DNM1L: variants seen among roughly 807,000 people sequenced by gnomAD.
DNM1L encodes dynamin-1-like protein.
A neutral mutation model predicts 92.8 loss-of-function variants in DNM1L; 33 were observed. The ratio of observed to expected loss-of-function variants is 0.36; its 90% CI spans 0.27 to 0.48. The LOEUF (loss-of-function observed/expected upper bound fraction) is 0.48, where lower values mean the gene tolerates loss of function less well. Ranked by LOEUF, DNM1L falls within the 20% of genes least tolerant of loss-of-function variation. The probability of loss-of-function intolerance (pLI) is 0.99; values close to 1 mark genes in which losing one functional copy is unlikely to be tolerated. For synonymous variants in DNM1L, 284 were observed against 305.0 expected (o/e 0.93, Z 0.72); for missense variants, 485 against 888.8 (o/e 0.55, Z 5.78).
intron 9 of DNM1L, among the ~76,000 whole-genome samples, chr12:32,726,195 AC>A (rs1367323883): frequency 6.6e-6 from 1 of 152,208 alleles, no homozygotes; most frequent in Non-Finnish European, 1.5e-5. Flanking sequence ...CATTCAACAT[AC>A]CTGGCAGAAA....
chr12:32,732,978 C>T (rs1451759597), intron 12 of DNM1L, among the ~76,000 whole-genome samples: 11 of 152,142 alleles, frequency 7.2e-5, no homozygotes, highest in African/African-American at 2.7e-4. Flanking sequence ...TGCCTGTAAT[C>T]CCAGCTACTG....
chr12:32,743,592 T>TAATA lies in DNM1L; in HGVS notation c.*186_*189dup, dbSNP rs1955465763. 3 of 600,610 alleles carry TAATA rather than the reference T, an allele frequency of 5.0e-6. No homozygotes were observed. Among genetic ancestry groups the TAATA allele is most frequent in the Non-Finnish European group, 5.9e-6 (2 of 340,132 alleles). 37.2% of individuals were successfully genotyped at this position (600,610 alleles called of 1,614,324 possible). The stretch of plus-strand genomic sequence containing the variant: ...GAACACATCACACATTTAATCCAAA[T>TAATA]AATAAATGGCTGTTTCTAAAGTTTC... On this transcript the variant is annotated 3_prime_UTR_variant, in exon 20 of 20. Transcript: ENST00000549701.
At position 32,744,986 on chromosome 12, in the gene DNM1L, T is replaced by C. The variant is rs754953487; in HGVS notation, c.*1576T>C. On this transcript the variant is annotated 3_prime_UTR_variant, in exon 20 of 20. Coordinates refer to ENST00000549701, the MANE Select transcript of DNM1L (RefSeq NM_012062.5). ...TTATGACCAGGTATTTATGAAGGAC[T>C]ATTGGCAGGGAAAATATGAATATGT... is the stretch of plus-strand genomic sequence containing the variant. The C allele has an allele frequency of 1.4e-5, 7 of 518,470 alleles. No individual in the cohort carries two copies. Among genetic ancestry groups the C allele is most frequent in the South Asian group, 8.4e-5 (6 of 71,360 alleles). The allele number at this position is 518,470 out of a possible 1,614,324, so 32.1% of individuals were successfully genotyped here.
Position 32,679,340 on chromosome 12 carries a change from C to T in DNM1L, c.-24C>T, listed in dbSNP as rs372402179. On this transcript the variant is annotated 5_prime_UTR_variant, in exon 1 of 20. Coordinates refer to ENST00000549701, the MANE Select transcript of DNM1L (RefSeq NM_012062.5). The stretch of plus-strand genomic sequence containing the variant: ...CATTCATTGCCGTGGCCGGCGGGCA[C>T]TGGGGCCCCGTGTTTTCAGAGTCAT... 2.8e-5 allele frequency: 44 copies of T among 1,581,156 alleles called. No individual in the cohort carries two copies. Among genetic ancestry groups the T allele is most frequent in the Non-Finnish European group, 3.6e-5 (41 of 1,152,426 alleles).
intron 1 of DNM1L, among the ~76,000 whole-genome samples, chr12:32,691,595 C>T (rs1952237310): frequency 6.6e-6 from 1 of 152,152 alleles, no homozygotes; most frequent in Admixed American, 6.5e-5. Context: ...CAAATATAGT[C>T]ACATTCCGAG....
chr12:32,743,228 ATT>A lies in DNM1L; in HGVS notation c.2155-125_2155-124del, dbSNP rs3834753. ...ATTAGATTCTAATTCCAGAGAAGATATTGGTTAGTATAAACTGGTTAGTTATA... is the reference window on the plus strand; with the variant it reads ...ATTAGATTCTAATTCCAGAGAAGATAGGTTAGTATAAACTGGTTAGTTATA... On this transcript the variant is annotated intron_variant, in intron 19 of 19. Coordinates refer to ENST00000549701, the MANE Select transcript of DNM1L (RefSeq NM_012062.5). The A allele has an allele frequency of 0.14, 109,673 of 807,168 alleles. 7,895 individuals carry two copies. Among genetic ancestry groups the A allele is most frequent in the African/African-American group, 0.2 (11,924 of 58,294 alleles). 50.0% of individuals were successfully genotyped at this position (807,168 alleles called of 1,614,324 possible).
At chr12:32,723,133 C>A (rs1324719248) in intron 9 of DNM1L, among the ~76,000 whole-genome samples, 4 of 151,196 alleles carry the variant, frequency 2.6e-5, no homozygotes, top group African/African-American at 9.7e-5. Flanking sequence ...TATTGAAATT[C>A]CATCCTTTTT....
At chr12:32,695,059 T>C (rs1196565580) in intron 1 of DNM1L, among the ~76,000 whole-genome samples, 7 of 152,060 alleles carry the variant, frequency 4.6e-5, no homozygotes, top group East Asian at 1.9e-4. Flanking sequence ...GAGGATACAA[T>C]TGAGTATCCT....
intron 1 of DNM1L, among the ~76,000 whole-genome samples, chr12:32,693,217 T>C (rs1369052341): frequency 6.6e-6 from 1 of 152,250 alleles, no homozygotes; most frequent in African/African-American, 2.4e-5. Flanking sequence ...TTGTGGTTTC[T>C]ATTGCATCCT....
At chr12:32,725,629 T>C (rs12303426) in intron 9 of DNM1L, 53,714 of 152,000 alleles carry the variant, frequency 0.35, 10,961 homozygotes, top group African/African-American at 0.56. Context: ...TTCTTTCAGA[T>C]GAGTCTTGCT....
chr12:32,732,131 T>C (rs935677640), intron 12 of DNM1L, among the ~76,000 whole-genome samples, 188 bp downstream of exon 12: 5 of 152,250 alleles, frequency 3.3e-5, no homozygotes, highest in African/African-American at 7.2e-5. Flanking sequence ...AATTCTGGTA[T>C]AAAGTGCATT....
intron 2 of DNM1L, among the ~76,000 whole-genome samples, chr12:32,704,675 A>G (rs1331417753): frequency 6.6e-6 from 1 of 152,190 alleles, no homozygotes; most frequent in Non-Finnish European, 1.5e-5. Flanking sequence ...TTGCCCCCCA[A>G]AAAGCAGTAA....
chr12:32,690,429 G>C (rs1171344344), intron 1 of DNM1L, among the ~76,000 whole-genome samples: 6 of 152,196 alleles, frequency 3.9e-5, no homozygotes, highest in Non-Finnish European at 8.8e-5. Flanking sequence ...TTAATATCTA[G>C]TTAGCCACAG....
intron 1 of DNM1L, among the ~76,000 whole-genome samples, chr12:32,680,359 A>G (rs1328100767): frequency 6.6e-6 from 1 of 152,174 alleles, no homozygotes; most frequent in Admixed American, 6.5e-5. Flanking sequence ...AAGTGCTTTC[A>G]TTTCTTAATA....
chr12:32,727,637 G>A (rs1954240482), intron 9 of DNM1L: 1 of 313,836 alleles, frequency 3.2e-6, no homozygotes, highest in Non-Finnish European at 5.8e-6. Context: ...TATACTACAT[G>A]TCTTTAAAAA....
chr12:32,715,559 C>T (rs755635773), intron 6 of DNM1L, among the ~76,000 whole-genome samples: 3 of 151,754 alleles, frequency 2.0e-5, no homozygotes, highest in Non-Finnish European at 2.9e-5. Flanking sequence ...ATGGTGAAAC[C>T]CCATCTCTCT....
intron 3 of DNM1L, 69 bp from the exon 4 acceptor site, chr12:32,708,084 T>TC: frequency 1.2e-6 from 1 of 838,916 alleles, no homozygotes; most frequent in Non-Finnish European, 2.0e-6. Context: ...GTATATGGAC[T>TC]CCCCCTCCAG....
rs561768099 is a variant in DNM1L at position 32,730,318 on chromosome 12, C to T, written c.1080-696C>T. 2.6e-4 allele frequency among the ~76,000 whole-genome samples: 40 copies of T among 152,234 alleles called. 1 individual carries two copies. Among genetic ancestry groups the T allele is most frequent in the Middle Eastern group, 6.8e-3 (2 of 294 alleles). On this transcript the variant is annotated intron_variant, in intron 9 of 19. Coordinates refer to ENST00000549701, the MANE Select transcript of DNM1L (RefSeq NM_012062.5). ...GGCGGAGGTTGCAGTAAGCCAAGAG[C>T]GCACCACTGCACTCCAGCCTGGGCG...
At chr12:32,687,702 G>A (rs1372543083) in intron 1 of DNM1L, among the ~76,000 whole-genome samples, 10 of 151,876 alleles carry the variant, frequency 6.6e-5, no homozygotes, top group South Asian at 2.1e-4. Flanking sequence ...CATCCACCTC[G>A]GCCTCCCAAA....
Sources: gnomAD v4.1 joint callset for allele counts (sites outside exome capture counted in the v4.1 genomes callset) on GRCh38, gnomAD v4.1.1 for gene constraint, MANE v1.5 for transcripts, NCBI Gene and HGNC (gene_info 2026-07-23, HGNC 2026-07-21) for gene names.